IDH3A: variants seen among roughly 807,000 people sequenced by gnomAD.
The protein encoded by IDH3A is isocitrate dehydrogenase [NAD] subunit alpha, mitochondrial.
IDH3A carries 23 observed loss-of-function variants against 43.3 expected under a neutral mutation model. The ratio of observed to expected loss-of-function variants is 0.53; its 90% CI spans 0.38 to 0.75. The LOEUF (loss-of-function observed/expected upper bound fraction) is 0.75, where lower values mean the gene tolerates loss of function less well. Among genes scored for constraint, IDH3A ranks in the 30% least tolerant of loss-of-function variants. IDH3A has a pLI of 0.00. For synonymous variants in IDH3A, 154 were observed against 163.5 expected, an observed-to-expected ratio of 0.94 and a Z score of 0.44; for missense variants, 329 against 474.4, an observed-to-expected ratio of 0.69 and a Z score of 2.85.
intron 10 of IDH3A, 140 bp downstream of exon 10, chr15:78,166,442 G>C (rs2074743556): frequency 2.4e-6 from 2 of 833,224 alleles, no homozygotes; most frequent in Non-Finnish European, 4.0e-6. Flanking sequence ...CTTAACGTGG[G>C]TCCCAGATTG....
intron 2 of IDH3A, among the ~76,000 whole-genome samples, chr15:78,156,277 G>A (rs1567069096): frequency 6.6e-6 from 1 of 152,150 alleles, no homozygotes. Context: ...GCTTGATGGA[G>A]GAGGTTATTT....
Position 78,171,402 on chromosome 15 carries a change from G to A in IDH3A, c.*2397G>A, listed in dbSNP as rs368273559. 2.9e-4 allele frequency: 444 copies of A among 1,546,946 alleles called. 2 individuals carry two copies. Among genetic ancestry groups the A allele is most frequent in the Admixed American group, 3.5e-4 (21 of 59,182 alleles). On this transcript the variant is annotated 3_prime_UTR_variant, in exon 11 of 11. Coordinates refer to ENST00000299518, the MANE Select transcript of IDH3A (RefSeq NM_005530.3). ...TGGGGCTCAGGAAGAGGCTCGGAAC[G>A]CCTGCCCTCTATTCTATAGAAACTG...
At position 78,169,861 on chromosome 15, in the gene IDH3A, T is replaced by C. The variant is rs2074798040; in HGVS notation, c.*856T>C. On this transcript the variant is annotated 3_prime_UTR_variant, in exon 11 of 11. Transcript: ENST00000299518. ...TGTATTGTAAACTTATTCTTGCATG[T>C]TGCTGTCTGGGAATGGACCACACTA... The C allele has an allele frequency of 6.6e-6, 1 of 152,228 alleles. No homozygotes were observed. Among genetic ancestry groups the C allele is most frequent in the South Asian group, 2.1e-4 (1 of 4,834 alleles). The allele number at this position is 152,228 out of a possible 1,614,324, so 9.4% of individuals were successfully genotyped here.
At chr15:78,159,406 A>G (rs1308677181) in intron 3 of IDH3A, among the ~76,000 whole-genome samples, 2 of 151,980 alleles carry the variant, frequency 1.3e-5, no homozygotes, top group South Asian at 2.1e-4. Flanking sequence ...CTTATAATAT[A>G]TGGTCTTTTA....
rs139984513 is a variant in IDH3A at position 78,166,209 on chromosome 15, G to T, written c.924G>T (p.Leu308=). 7.2e-5 allele frequency: 117 copies of T among 1,613,962 alleles called. No homozygotes were observed. Among genetic ancestry groups the T allele is most frequent in the Non-Finnish European group, 9.4e-5 (111 of 1,179,914 alleles). ...ACATGGCGAATCCCACAGCCCTCCTGCTCAGTGCCGTGATGATGCTGCGCC... is the reference window on the plus strand; with the variant it reads ...ACATGGCGAATCCCACAGCCCTCCTTCTCAGTGCCGTGATGATGCTGCGCC... ...GKDMANPTAL[L]LSAVMMLRHM... The change falls in exon 10 of 11, where the codon CTG becomes CTT. Residue 308 remains leucine, a synonymous_variant. Transcript: ENST00000299518.
rs1005711377 is a variant in IDH3A, at chr15:78,169,148, G to A, written c.*143G>A. On this transcript the variant is annotated 3_prime_UTR_variant, in exon 11 of 11. Coordinates refer to ENST00000299518, the MANE Select transcript of IDH3A (RefSeq NM_005530.3). Reference sequence around the variant, plus strand: ...ATCTGGCCTTTTCTTAACAAAATCTGTGCAAAAGATGCAGGTGGATGTCCC... The same window carrying A: ...ATCTGGCCTTTTCTTAACAAAATCTATGCAAAAGATGCAGGTGGATGTCCC... 3 of 495,464 alleles carry A rather than the reference G, an allele frequency of 6.1e-6. No homozygotes were observed. The highest frequency in any genetic ancestry group is 3.9e-5 in the African/African-American group (2 of 51,516). The allele number at this position is 495,464 out of a possible 1,614,324, so 30.7% of individuals were successfully genotyped here.
intron 1 of IDH3A, among the ~76,000 whole-genome samples, chr15:78,151,809 A>T (rs2074578234): frequency 6.6e-6 from 1 of 152,036 alleles, no homozygotes; most frequent in African/African-American, 2.4e-5. Flanking sequence ...ATATATATAT[A>T]TATGCATATG....
chr15:78,160,458 T>C lies in IDH3A; in HGVS notation c.289+252T>C, dbSNP rs944370202. Among the ~76,000 whole-genome samples the C allele has an allele frequency of 5.9e-5, 9 of 152,156 alleles. No homozygotes were observed. In the South Asian group the frequency reaches 1.9e-3, roughly 32 times the overall value. ...TCTATTTAATCTTCAACTATATATA[T>C]CTTTTGCTTAATTTTTACATTTGTA... On this transcript the variant is annotated intron_variant, in intron 4 of 10. Coordinates refer to ENST00000299518, the MANE Select transcript of IDH3A (RefSeq NM_005530.3).
In IDH3A at chr15:78,169,868, C is replaced by G. The variant is rs537679564; in HGVS notation, c.*863C>G. ...TAAACTTATTCTTGCATGTTGCTGT[C>G]TGGGAATGGACCACACTACAGCAGG... On this transcript the variant is annotated 3_prime_UTR_variant, in exon 11 of 11. Coordinates refer to ENST00000299518, the MANE Select transcript of IDH3A (RefSeq NM_005530.3). 9 of 152,328 alleles carry G rather than the reference C, an allele frequency of 5.9e-5. No homozygotes were observed. Among genetic ancestry groups the G allele is most frequent in the African/African-American group, 1.7e-4 (7 of 41,568 alleles). 9.4% of individuals were successfully genotyped at this position (152,328 alleles called of 1,614,324 possible).
In IDH3A at chr15:78,150,893, T is replaced by C. The variant is rs534297799; in HGVS notation, c.27+1463T>C. On this transcript the variant is annotated intron_variant, in intron 1 of 10. Transcript: ENST00000299518. Reference sequence around the variant, plus strand: ...GCTCCTAAAAGTAAAGCAACTTCTGTGTCACTGTGAAAACTGAACTCAGTC... The same window carrying C: ...GCTCCTAAAAGTAAAGCAACTTCTGCGTCACTGTGAAAACTGAACTCAGTC... The C allele has an allele frequency of 3.3e-5, 5 of 152,348 alleles. No homozygotes were observed. In the South Asian group the frequency reaches 1.0e-3, roughly 32 times the overall value. 9.4% of individuals were successfully genotyped at this position (152,348 alleles called of 1,614,324 possible).
chr15:78,159,938 T>C (rs2074664202), intron 3 of IDH3A, 154 bp from the exon 4 acceptor site: 5 of 574,746 alleles, frequency 8.7e-6, no homozygotes, highest in Non-Finnish European at 1.6e-5. Flanking sequence ...GAGGTTATAG[T>C]GAGCCAAGAT....
In IDH3A at chr15:78,161,625, T is replaced by G. The variant is rs1391183932; in HGVS notation, c.334T>G (p.Leu112Val). ...PIAAGHPSMN[L>V]LLRKTFDLYA... The stretch of plus-strand genomic sequence containing the variant: ...AGCAGCCGGTCACCCATCTATGAAT[T>G]TACTGCTGCGCAAAACATTTGACCT... Residue 112 changes from leucine (L) to valine (V), a missense_variant, in exon 5 of 11, where the codon TTA becomes GTA. Physicochemically the swap from Leu to Val is conservative, Grantham distance 32. Coordinates refer to ENST00000299518, the MANE Select transcript of IDH3A (RefSeq NM_005530.3). The surrounding 1 kb of genome is among the most constrained non-coding windows in gnomAD (Gnocchi z 4.8). 6.2e-7 allele frequency: 1 copy of G among 1,614,150 alleles called. No homozygotes were observed. The highest frequency in any genetic ancestry group is 8.5e-7 in the Non-Finnish European group (1 of 1,180,040).
intron 6 of IDH3A, 27 bp from the exon 7 acceptor site, chr15:78,163,480 C>T: frequency 6.8e-7 from 1 of 1,464,200 alleles, no homozygotes; most frequent in African/African-American, 1.4e-5. Flanking sequence ...ACTTTTTTTT[C>T]AGCAGTTTTT....
At position 78,160,171 on chromosome 15, in the gene IDH3A, A is replaced by C; in HGVS notation, c.254A>C (p.Lys85Thr). The C allele has an allele frequency of 6.2e-7, 1 of 1,612,106 alleles. No individual in the cohort carries two copies. The highest frequency in any genetic ancestry group is 8.5e-7 in the Non-Finnish European group (1 of 1,178,154). ...GGKWMIPSEA[K>T]ESMDKNKMGL... The stretch of plus-strand genomic sequence containing the variant: ...AAGTGGATGATCCCTTCAGAGGCTA[A>C]AGAGTCCATGGATAAGAACAAGATG... Residue 85 changes from lysine (K) to threonine (T), a missense_variant, in exon 4 of 11, where the codon AAA becomes ACA. Coordinates refer to ENST00000299518, the MANE Select transcript of IDH3A (RefSeq NM_005530.3).
intron 8 of IDH3A, among the ~76,000 whole-genome samples, chr15:78,164,353 C>A (rs1394051790): frequency 1.5e-5 from 2 of 131,582 alleles, no homozygotes; most frequent in Non-Finnish European, 3.3e-5. Context: ...TGGTGATTTT[C>A]ATTTTTTTTT....
chr15:78,168,238 A>G (rs1343922533), intron 10 of IDH3A: 1 of 150,670 alleles, frequency 6.6e-6, no homozygotes, highest in Non-Finnish European at 1.5e-5. Flanking sequence ...CCTGGGCCAC[A>G]TAGTGAGACC....
At chr15:78,158,534 T>C (rs1294884582) in intron 3 of IDH3A, among the ~76,000 whole-genome samples, 1 of 134,712 alleles carries the variant, frequency 7.4e-6, no homozygotes, top group East Asian at 2.2e-4. Flanking sequence ...TGAAGTGCGA[T>C]GGAGCAATCT....
intron 9 of IDH3A, among the ~76,000 whole-genome samples, chr15:78,165,646 T>TA (rs899303063): frequency 6.6e-6 from 1 of 151,926 alleles, no homozygotes; most frequent in Admixed American, 6.6e-5. Context: ...TTTTTATACT[T>TA]AAAAAAATTA....
intron 1 of IDH3A, among the ~76,000 whole-genome samples, chr15:78,153,656 A>G (rs1327899259): frequency 6.6e-6 from 1 of 152,252 alleles, no homozygotes; most frequent in Non-Finnish European, 1.5e-5. Context: ...CCAGAAAAAA[A>G]CATCAAGATA....
Sources: allele counts gnomAD v4.1 joint callset (sites outside exome capture counted in the v4.1 genomes callset), GRCh38; gene constraint gnomAD v4.1.1; non-coding constraint Gnocchi (gnomAD v3.1); transcripts MANE v1.5; gene names NCBI Gene and HGNC (gene_info 2026-07-23, HGNC 2026-07-21).